Variants in FBN2 observed in about 807,000 individuals in gnomAD.
FBN2 encodes fibrillin-2.
In FBN2, 105 loss-of-function variants were observed where a neutral mutation model predicts 355.6. That is an observed-to-expected ratio of 0.30 (90% CI 0.25 to 0.35). The LOEUF is 0.35. FBN2 is among the 10% of genes least tolerant of loss of function. The pLI, the probability that FBN2 is intolerant of heterozygous loss-of-function variation, is 1.00. For synonymous variants in FBN2, 1,350 were observed against 1,301.2 expected (o/e 1.04, Z -0.81); for missense variants, 3,280 against 3,758.7 (o/e 0.87, Z 3.33).
At chr5:128,447,749 G>A (rs540724431) in intron 6 of FBN2, among the ~76,000 whole-genome samples, 50 of 152,256 alleles carry the variant, frequency 3.3e-4, no homozygotes, top group African/African-American at 1.0e-3. Context: ...CTGGTTTTGC[G>A]GCTTGTGGGG....
At position 128,512,367 on chromosome 5, in the gene FBN2, A is replaced by G. The variant is rs573669628; in HGVS notation, c.628+6906T>C. Among the ~76,000 whole-genome samples the G allele has an allele frequency of 1.5e-4, 23 of 152,130 alleles. No individual in the cohort carries two copies. The South Asian group carries it at 3.9e-3, about 26-fold the overall frequency. On this transcript the variant is annotated intron_variant, in intron 5 of 64. Coordinates refer to ENST00000262464, the MANE Select transcript of FBN2 (RefSeq NM_001999.4). ...TCTCTATTAAAAGTACAAAAATATT[A>G]GCAGGGGTGGTGGCGCATGCCTGTA...
Position 128,535,645 on chromosome 5 carries a change from A to G in FBN2, c.337+757T>C, listed in dbSNP as rs1266703822. The stretch of plus-strand genomic sequence containing the variant: ...AGGCTGATAACTAATGAGCTCTCCA[A>G]TTAGAACTTGGAGAACTGGTTATAC... On this transcript the variant is annotated intron_variant, in intron 2 of 64. Transcript: ENST00000262464. Among the ~76,000 whole-genome samples, 5 of 152,332 alleles carry G rather than the reference A, an allele frequency of 3.3e-5. No individual in the cohort carries two copies. In the South Asian group the frequency reaches 1.0e-3, roughly 32 times the overall value.
intron 5 of FBN2, among the ~76,000 whole-genome samples, chr5:128,467,138 C>T (rs1581322287): frequency 6.6e-6 from 1 of 152,030 alleles, no homozygotes; most frequent in East Asian, 1.9e-4. Context: ...AGATTCATTC[C>T]TTCTTCTAAC....
intron 48 of FBN2, among the ~76,000 whole-genome samples, chr5:128,299,049 A>G (rs186700456): frequency 6.6e-6 from 1 of 152,142 alleles, no homozygotes; most frequent in Admixed American, 6.5e-5. Flanking sequence ...TTTCCTTCTA[A>G]CAGACAGGAC....
At chr5:128,441,818 T>C (rs983885630) in intron 7 of FBN2, among the ~76,000 whole-genome samples, 8 of 152,166 alleles carry the variant, frequency 5.3e-5, no homozygotes, top group Non-Finnish European at 8.8e-5. Context: ...TAAATTAAGC[T>C]AAGATGATTT....
At chr5:128,274,417 A>G (rs1352333389) in intron 60 of FBN2, 150 bp downstream of exon 60, 2 of 657,346 alleles carry the variant, frequency 3.0e-6, no homozygotes, top group African/African-American at 1.8e-5. Context: ...GAAAATATCT[A>G]TCTTATTAGC....
At chr5:128,500,901 T>A (rs1380632541) in intron 5 of FBN2, among the ~76,000 whole-genome samples, 2 of 152,036 alleles carry the variant, frequency 1.3e-5, no homozygotes, top group African/African-American at 4.8e-5. Flanking sequence ...AAAGGCCCAG[T>A]CATTGTGATC....
At chr5:128,508,617 T>A (rs1339991862) in intron 5 of FBN2, among the ~76,000 whole-genome samples, 1 of 152,052 alleles carries the variant, frequency 6.6e-6, no homozygotes, top group Non-Finnish European at 1.5e-5. Flanking sequence ...CCTAAAAAGA[T>A]TTAAAATACT....
intron 6 of FBN2, among the ~76,000 whole-genome samples, chr5:128,456,001 A>C (rs543397581): frequency 3.0e-4 from 40 of 135,490 alleles, no homozygotes; most frequent in South Asian, 1.0e-3. Flanking sequence ...AAAAAAAAAA[A>C]AAAAAAAAAA....
At chr5:128,485,034 T>G (rs549245042) in intron 5 of FBN2, among the ~76,000 whole-genome samples, 6 of 151,902 alleles carry the variant, frequency 3.9e-5, no homozygotes, top group Non-Finnish European at 8.8e-5. Context: ...GGAAACTTTT[T>G]TTTTTTTGAG....
In FBN2 at chr5:128,259,701, G is replaced by A. The variant is rs1764915411; in HGVS notation, c.8493C>T (p.His2831=). 1.2e-6 allele frequency: 2 copies of A among 1,613,910 alleles called. No homozygotes were observed. The highest frequency in any genetic ancestry group is 1.7e-6 in the Non-Finnish European group (2 of 1,179,954). ...TCCCTTGAGAGATGACATAACGGAT[G>A]TGGTTGTTGAGGGGCTGGATGGCGG... ...LRPAIQPLNN[H]IRYVISQGND... The change falls in exon 65 of 65, where the codon CAC becomes CAT. Residue 2831 remains histidine (H), a synonymous_variant. Transcript: ENST00000262464.
chr5:128,426,509 TCCCA>T (rs1753486986), intron 7 of FBN2, among the ~76,000 whole-genome samples: 1 of 152,208 alleles, frequency 6.6e-6, no homozygotes, highest in Non-Finnish European at 1.5e-5. Context: ...CAACTATTTC[TCCCA>T]CTGCTGTTTT....
At chr5:128,498,685 TAAG>T (rs1221125738) in intron 5 of FBN2, among the ~76,000 whole-genome samples, 2 of 152,214 alleles carry the variant, frequency 1.3e-5, no homozygotes, top group African/African-American at 2.4e-5. Flanking sequence ...AACTGTGAAA[TAAG>T]AAATGAATAC....
At chr5:128,299,196 A>G (rs1182647562) in intron 48 of FBN2, among the ~76,000 whole-genome samples, 8 of 151,580 alleles carry the variant, frequency 5.3e-5, no homozygotes, top group Non-Finnish European at 1.0e-4. Flanking sequence ...CCGTTCTCAG[A>G]TCTCCAGCTG....
At chr5:128,309,546 T>C in intron 40 of FBN2, 147 bp from the exon 41 acceptor site, 1 of 664,430 alleles carries the variant, frequency 1.5e-6, no homozygotes, top group Non-Finnish European at 2.6e-6. Context: ...AAATAACTCC[T>C]TAAACATAAA....
chr5:128,307,663 G>A lies in FBN2; in HGVS notation c.5354-460C>T, dbSNP rs562111318. On this transcript the variant is annotated intron_variant, in intron 41 of 64. Coordinates refer to ENST00000262464, the MANE Select transcript of FBN2 (RefSeq NM_001999.4). ...AAACAATGTATAATGAATGAGATGC[G>A]AATTTTGTCTTTTTTTTTTTTACTG... Among the ~76,000 whole-genome samples the A allele has an allele frequency of 2.2e-4, 33 of 149,134 alleles. No homozygotes were observed. In the South Asian group the frequency reaches 2.9e-3, roughly 13 times the overall value.
intron 55 of FBN2, among the ~76,000 whole-genome samples, chr5:128,281,174 G>A (rs1463440729): frequency 6.6e-6 from 1 of 152,130 alleles, no homozygotes; most frequent in Non-Finnish European, 1.5e-5. Flanking sequence ...AGAGAACCTA[G>A]CAGAATTCTT....
rs537091828 is a variant in FBN2 at position 128,486,706 on chromosome 5, T to C, written c.629-21785A>G. Among the ~76,000 whole-genome samples the C allele has an allele frequency of 6.7e-4, 102 of 152,216 alleles. 1 individual carries two copies. The South Asian group carries it at 0.013, about 20-fold the overall frequency. On this transcript the variant is annotated intron_variant, in intron 5 of 64. Transcript: ENST00000262464. ...GTTACATATGTATACATGTGCCATG[T>C]TGGTTTGCTGCACCCATTAACTCGC... is the stretch of plus-strand genomic sequence containing the variant.
In FBN2 at chr5:128,464,854, A is replaced by G. The variant is rs1754666134; in HGVS notation, c.696T>C (p.Ile232=). ...NQMCQGQLTG[I]VCTKTLCCAT... ...CACAGCACAGAGTCTTCGTGCAGACAATGCCTGTCAGCTGCCCTTGGCACA... is the reference window on the plus strand; with the variant it reads ...CACAGCACAGAGTCTTCGTGCAGACGATGCCTGTCAGCTGCCCTTGGCACA... Residue 232 remains isoleucine (I), a synonymous_variant, in exon 6 of 65, where the codon ATT becomes ATC. Coordinates refer to ENST00000262464, the MANE Select transcript of FBN2 (RefSeq NM_001999.4). The G allele has an allele frequency of 6.2e-7, 1 of 1,614,226 alleles. No individual in the cohort carries two copies. The highest frequency in any genetic ancestry group is 8.5e-7 in the Non-Finnish European group (1 of 1,180,044).
Sources: gnomAD v4.1 joint callset for allele counts (sites outside exome capture counted in the v4.1 genomes callset) on GRCh38, gnomAD v4.1.1 for gene constraint, MANE v1.5 for transcripts, NCBI Gene and HGNC (gene_info 2026-07-23, HGNC 2026-07-21) for gene names.